SPEF2: variants seen among roughly 807,000 people sequenced by gnomAD.
SPEF2 encodes sperm flagellar and cilia associated 2, also known as sperm flagella and cilia-associated protein 2.
Under a neutral mutation model 224.6 loss-of-function variants are expected in SPEF2, and 187 were observed. The observed-to-expected ratio is 0.83, with a 90% CI of 0.74 to 0.94. SPEF2 has a LOEUF of 0.94. SPEF2 is among the 40% of genes least tolerant of loss of function. The pLI, the probability that SPEF2 is intolerant of heterozygous loss-of-function variation, is 0.00. For synonymous variants in SPEF2, 715 were observed against 707.3 expected, an observed-to-expected ratio of 1.01 and a Z score of -0.17; for missense variants, 2,170 against 2,135.6, an observed-to-expected ratio of 1.02 and a Z score of -0.32.
chr5:35,687,957 A>C (rs1478693286), intron 10 of SPEF2, among the ~76,000 whole-genome samples: 1 of 152,178 alleles, frequency 6.6e-6, no homozygotes, highest in Non-Finnish European at 1.5e-5. Flanking sequence ...ATTTGCAAGC[A>C]AAAAATTTGC....
At chr5:35,733,777 A>C (rs1580497457) in intron 21 of SPEF2, among the ~76,000 whole-genome samples, 3 of 143,342 alleles carry the variant, frequency 2.1e-5, no homozygotes, top group African/African-American at 8.1e-5. Context: ...GAGACAGTAC[A>C]GTGAATTGTT....
intron 7 of SPEF2, among the ~76,000 whole-genome samples, chr5:35,656,001 G>T (rs1748904259): frequency 6.6e-6 from 1 of 152,180 alleles, no homozygotes; most frequent in Admixed American, 6.5e-5. Context: ...GGGATTGAGA[G>T]AAGTAGCTTT....
chr5:35,761,976 A>C (rs568121237), intron 25 of SPEF2, among the ~76,000 whole-genome samples: 3 of 152,350 alleles, frequency 2.0e-5, no homozygotes, highest in South Asian at 2.1e-4. Flanking sequence ...CCTGTCATAT[A>C]TAAAGGGAAA....
At chr5:35,672,436 A>T (rs971452857) in intron 10 of SPEF2, among the ~76,000 whole-genome samples, 1 of 150,572 alleles carries the variant, frequency 6.6e-6, no homozygotes, top group African/African-American at 2.4e-5. Context: ...AATAATGACA[A>T]ATGTGGACAA....
At chr5:35,696,852 T>G (rs995636887) in intron 14 of SPEF2, among the ~76,000 whole-genome samples, 1 of 152,124 alleles carries the variant, frequency 6.6e-6, no homozygotes, top group African/African-American at 2.4e-5. Context: ...AAGGGAGCCT[T>G]AAGCAGATTG....
chr5:35,813,492 T>TA (rs1758662502), intron 36 of SPEF2, among the ~76,000 whole-genome samples: 1 of 151,846 alleles, frequency 6.6e-6, no homozygotes, highest in African/African-American at 2.4e-5. Context: ...ACTCTATTTC[T>TA]AAAAAAAATA....
chr5:35,678,258 C>T (rs1263427543), intron 10 of SPEF2, among the ~76,000 whole-genome samples: 1 of 152,228 alleles, frequency 6.6e-6, no homozygotes, highest in Non-Finnish European at 1.5e-5. Context: ...AGGTCAAATT[C>T]ATTAGATTTC....
intron 21 of SPEF2, among the ~76,000 whole-genome samples, chr5:35,736,732 T>C (rs1746669769): frequency 6.6e-6 from 1 of 152,156 alleles, no homozygotes; most frequent in Non-Finnish European, 1.5e-5. Flanking sequence ...TTTTACAAAA[T>C]TGGTCTTGTT....
At chr5:35,709,499 G>C in intron 19 of SPEF2, 2 of 993,640 alleles carry the variant, frequency 2.0e-6, no homozygotes, top group Middle Eastern at 5.2e-4. Flanking sequence ...AATAAAATAA[G>C]AATGAGTATA....
intron 10 of SPEF2, among the ~76,000 whole-genome samples, chr5:35,682,725 C>T (rs567395514): frequency 1.4e-4 from 21 of 152,300 alleles, no homozygotes; most frequent in African/African-American, 4.6e-4. Flanking sequence ...TATGCACTGA[C>T]AAATATTTCC....
intron 29 of SPEF2, among the ~76,000 whole-genome samples, chr5:35,777,001 C>G (rs1753692475): frequency 6.6e-6 from 1 of 152,144 alleles, no homozygotes; most frequent in South Asian, 2.1e-4. Flanking sequence ...CCCATCTTGT[C>G]CACAAATTAG....
intron 26 of SPEF2, chr5:35,764,875 A>G (rs979608195): frequency 1.1e-5 from 4 of 367,016 alleles, no homozygotes; most frequent in African/African-American, 8.6e-5. Flanking sequence ...AACTCCTCTC[A>G]TTGTTTCTGC....
intron 21 of SPEF2, among the ~76,000 whole-genome samples, chr5:35,735,155 T>C (rs1308752610): frequency 6.6e-6 from 1 of 152,208 alleles, no homozygotes; most frequent in Non-Finnish European, 1.5e-5. Context: ...CTCTGCCTTA[T>C]TCACCACAAA....
At chr5:35,705,235 A>G (rs941153778) in intron 17 of SPEF2, among the ~76,000 whole-genome samples, 2 of 152,068 alleles carry the variant, frequency 1.3e-5, no homozygotes, top group East Asian at 3.9e-4. Flanking sequence ...AGTAAAATAT[A>G]TAAGTCTAAA....
intron 21 of SPEF2, among the ~76,000 whole-genome samples, chr5:35,738,257 C>T (rs914951598): frequency 4.7e-4 from 71 of 152,104 alleles, no homozygotes; most frequent in Middle Eastern, 3.4e-3. Flanking sequence ...GTTGCCATTG[C>T]TTTTGGTGTT....
At chr5:35,761,669 T>A (rs1370786061) in intron 25 of SPEF2, among the ~76,000 whole-genome samples, 1 of 151,738 alleles carries the variant, frequency 6.6e-6, no homozygotes, top group Non-Finnish European at 1.5e-5. Context: ...CTGAAAGAGA[T>A]CTTTGAGATT....
chr5:35,704,961 A>G (rs1243818370), intron 17 of SPEF2, among the ~76,000 whole-genome samples: 2 of 152,130 alleles, frequency 1.3e-5, no homozygotes, highest in East Asian at 3.9e-4. Flanking sequence ...CATTAAGGAA[A>G]TGCTGGTGAC....
chr5:35,722,156 C>T (rs917534840), intron 20 of SPEF2, among the ~76,000 whole-genome samples: 4 of 151,982 alleles, frequency 2.6e-5, no homozygotes, highest in South Asian at 2.1e-4. Context: ...CAAGTTGTTC[C>T]TCCACCAGGG....
intron 18 of SPEF2, among the ~76,000 whole-genome samples, chr5:35,706,288 AT>A (rs968642202): frequency 9.2e-5 from 14 of 151,756 alleles, no homozygotes; most frequent in Non-Finnish European, 1.8e-4. Flanking sequence ...ACATCCACCT[AT>A]TTTGTTATAA....
Sources: gnomAD v4.1 joint callset for allele counts (sites outside exome capture counted in the v4.1 genomes callset) on GRCh38, gnomAD v4.1.1 for gene constraint, MANE v1.5 for transcripts, NCBI Gene and HGNC (gene_info 2026-07-23, HGNC 2026-07-21) for gene names.